Variants in EYS observed in about 807,000 individuals in gnomAD.
EYS encodes EGF-like photoreceptor maintenance factor.
EYS carries 250 observed loss-of-function variants against 282.1 expected under a neutral mutation model. That is an observed-to-expected ratio of 0.89 (90% CI 0.80 to 0.98). EYS has a LOEUF of 0.98. EYS is among the 50% of genes least tolerant of loss of function. The probability of loss-of-function intolerance (pLI) is 0.00; values close to 1 mark genes in which losing one functional copy is unlikely to be tolerated. For synonymous variants in EYS, 1,355 were observed against 1,282.9 expected (o/e 1.06, Z -1.20); for missense variants, 4,016 against 3,709.0 (o/e 1.08, Z -2.15).
chr6:64,036,425 C>G (rs1296556312), intron 33 of EYS, among the ~76,000 whole-genome samples: 1 of 152,130 alleles, frequency 6.6e-6, no homozygotes, highest in African/African-American at 2.4e-5. Context: ...AATGTAATGA[C>G]ATTGTTCCAG....
At chr6:64,732,642 AAAT>A (rs1185727130) in intron 22 of EYS, among the ~76,000 whole-genome samples, 1 of 152,246 alleles carries the variant, frequency 6.6e-6, no homozygotes, top group Non-Finnish European at 1.5e-5. Context: ...GGATAAAAGG[AAAT>A]AATAAACTTC....
At chr6:65,474,846 G>T (rs551728819) in intron 5 of EYS, among the ~76,000 whole-genome samples, 1 of 152,116 alleles carries the variant, frequency 6.6e-6, no homozygotes, top group Non-Finnish European at 1.5e-5. Flanking sequence ...AGAGCACTAA[G>T]AATTAAAAGT....
At chr6:64,058,188 T>G (rs1235885755) in intron 33 of EYS, among the ~76,000 whole-genome samples, 1 of 151,946 alleles carries the variant, frequency 6.6e-6, no homozygotes, top group Non-Finnish European at 1.5e-5. Context: ...CCATGTAAGA[T>G]GTGCCTTTGC....
At chr6:64,143,914 G>A (rs1582334821) in intron 31 of EYS, among the ~76,000 whole-genome samples, 2 of 150,348 alleles carry the variant, frequency 1.3e-5, no homozygotes, top group Admixed American at 1.3e-4. Flanking sequence ...AAGTCATTGG[G>A]GTATCCCCTT....
intron 2 of EYS, among the ~76,000 whole-genome samples, chr6:65,560,308 T>A (rs951635153): frequency 1.6e-5 from 2 of 128,166 alleles, no homozygotes; most frequent in Admixed American, 1.6e-4. Flanking sequence ...TAATAATATA[T>A]AATATATTAT....
At chr6:64,913,026 C>A (rs1768048877) in intron 15 of EYS, among the ~76,000 whole-genome samples, 1 of 151,928 alleles carries the variant, frequency 6.6e-6, no homozygotes, top group Non-Finnish European at 1.5e-5. Flanking sequence ...CAACTATTGA[C>A]CTAAATCACC....
rs1269830113 is a variant in EYS, at chr6:64,484,031, C to T, written c.5645-44679G>A. On this transcript the variant is annotated intron_variant, in intron 26 of 42. Coordinates refer to ENST00000503581, the MANE Select transcript of EYS (RefSeq NM_001142800.2). ...CTTTGATCTTGGCAGTCGGCAGAGGCTAAATTGAGCAATTAGATGTTCTTC... is the reference window on the plus strand; with the variant it reads ...CTTTGATCTTGGCAGTCGGCAGAGGTTAAATTGAGCAATTAGATGTTCTTC... 2.0e-5 allele frequency among the ~76,000 whole-genome samples: 3 copies of T among 151,550 alleles called. No homozygotes were observed. In the East Asian group the frequency reaches 5.8e-4, roughly 29 times the overall value.
intron 31 of EYS, among the ~76,000 whole-genome samples, chr6:64,167,615 C>A (rs2150304696): frequency 6.6e-6 from 1 of 151,824 alleles, no homozygotes; most frequent in East Asian, 1.9e-4. Flanking sequence ...ACAGGTAATG[C>A]ACAAAGTCCA....
intron 1 of EYS, among the ~76,000 whole-genome samples, chr6:65,706,339 C>A (rs1028428013): frequency 6.6e-6 from 1 of 151,758 alleles, no homozygotes; most frequent in African/African-American, 2.4e-5. Flanking sequence ...GTTCAACATA[C>A]CTGATTTCTG....
intron 24 of EYS, among the ~76,000 whole-genome samples, chr6:64,607,771 T>C (rs1274404628): frequency 6.6e-6 from 1 of 152,122 alleles, no homozygotes; most frequent in East Asian, 1.9e-4. Context: ...GTATTTTGGT[T>C]GCAGAGTGAA....
chr6:65,010,955 C>T (rs964901368), intron 13 of EYS, among the ~76,000 whole-genome samples: 56 of 152,098 alleles, frequency 3.7e-4, no homozygotes, highest in African/African-American at 1.2e-3. Flanking sequence ...AGAAGAGAAC[C>T]GCCAAGCGGA....
At chr6:65,250,964 A>T (rs1767305390) in intron 12 of EYS, among the ~76,000 whole-genome samples, 1 of 150,570 alleles carries the variant, frequency 6.6e-6, no homozygotes, top group Non-Finnish European at 1.5e-5. Context: ...TTTTAAAAGG[A>T]GATTGGCTAA....
chr6:64,075,155 C>A (rs1358830643), intron 32 of EYS, among the ~76,000 whole-genome samples: 1 of 151,956 alleles, frequency 6.6e-6, no homozygotes, highest in Non-Finnish European at 1.5e-5. Context: ...CCCTAAAGGT[C>A]TGGATTTGTA....
At chr6:64,053,462 C>A (rs1392118206) in intron 33 of EYS, among the ~76,000 whole-genome samples, 3 of 152,000 alleles carry the variant, frequency 2.0e-5, no homozygotes, top group South Asian at 4.1e-4. Flanking sequence ...TAATATAGAC[C>A]ATGCAATATT....
chr6:65,238,214 A>G (rs2150273672), intron 12 of EYS, among the ~76,000 whole-genome samples: 1 of 150,886 alleles, frequency 6.6e-6, no homozygotes, highest in East Asian at 1.9e-4. Context: ...ACTATTATGT[A>G]AAGATAATTG....
At chr6:65,515,029 A>G (rs928058708) in intron 2 of EYS, among the ~76,000 whole-genome samples, 1 of 152,186 alleles carries the variant, frequency 6.6e-6, no homozygotes, top group African/African-American at 2.4e-5. Flanking sequence ...GAATATTTTC[A>G]CAACCTACTT....
At chr6:63,744,668 A>G (rs931549332) in intron 41 of EYS, 2 of 157,226 alleles carry the variant, frequency 1.3e-5, no homozygotes, top group East Asian at 1.9e-4. Flanking sequence ...CCTGGGTTCA[A>G]GCGATTCTCC....
intron 22 of EYS, among the ~76,000 whole-genome samples, chr6:64,679,083 C>A (rs1480332947): frequency 2.0e-5 from 3 of 151,966 alleles, no homozygotes; most frequent in Admixed American, 6.6e-5. Context: ...AAAAGCTGTA[C>A]TATAAAAAGT....
At chr6:65,177,601 T>C (rs184442438) in intron 12 of EYS, among the ~76,000 whole-genome samples, 9 of 152,002 alleles carry the variant, frequency 5.9e-5, no homozygotes, top group Non-Finnish European at 7.4e-5. Flanking sequence ...TGTATGTGCA[T>C]ATAGGTACAT....
Sources: allele counts gnomAD v4.1 joint callset (sites outside exome capture counted in the v4.1 genomes callset), GRCh38; gene constraint gnomAD v4.1.1; transcripts MANE v1.5; gene names NCBI Gene and HGNC (gene_info 2026-07-23, HGNC 2026-07-21).